DYM: variants seen among roughly 807,000 people sequenced by gnomAD.
DYM encodes dyggve-Melchior-Clausen syndrome protein.
In DYM, 78 loss-of-function variants were observed where a neutral mutation model predicts 93.1. The ratio of observed to expected loss-of-function variants is 0.84; its 90% CI spans 0.70 to 1.01. The LOEUF (loss-of-function observed/expected upper bound fraction) is 1.01, where lower values mean the gene tolerates loss of function less well. DYM is among the 50% of genes least tolerant of loss of function. DYM has a pLI of 0.00. For synonymous variants in DYM, 321 were observed against 319.7 expected (o/e 1.00, Z -0.04); for missense variants, 789 against 845.0 (o/e 0.93, Z 0.82).
chr18:49,141,801 G>A (rs942351712), intron 15 of DYM, among the ~76,000 whole-genome samples: 2 of 152,008 alleles, frequency 1.3e-5, no homozygotes, highest in Non-Finnish European at 2.9e-5. Flanking sequence ...CCTATTCATC[G>A]CTATGGACTC....
chr18:49,392,164 G>C (rs2069333637), intron 2 of DYM, among the ~76,000 whole-genome samples: 2 of 152,042 alleles, frequency 1.3e-5, no homozygotes, highest in Admixed American at 6.6e-5. Context: ...AAGATACAAA[G>C]ATACAAACAT....
chr18:49,189,680 T>C (rs1437033834), intron 14 of DYM, among the ~76,000 whole-genome samples: 1 of 152,208 alleles, frequency 6.6e-6, no homozygotes, highest in Non-Finnish European at 1.5e-5. Context: ...ATGGATCATC[T>C]TTCTGTAGAA....
chr18:49,431,459 T>A (rs1210630484), intron 1 of DYM, among the ~76,000 whole-genome samples: 1 of 152,202 alleles, frequency 6.6e-6, no homozygotes, highest in African/African-American at 2.4e-5. Context: ...AAAGTCAGTA[T>A]TGGTTGTTCT....
chr18:49,172,818 GTT>G (rs1462746229), intron 14 of DYM, among the ~76,000 whole-genome samples: 2 of 151,946 alleles, frequency 1.3e-5, no homozygotes, highest in South Asian at 2.1e-4. Context: ...TTAAAAAATT[GTT>G]TGTTTTTTAT....
intron 14 of DYM, among the ~76,000 whole-genome samples, chr18:49,177,696 C>A (rs1247656821): frequency 6.6e-6 from 1 of 151,998 alleles, no homozygotes; most frequent in Non-Finnish European, 1.5e-5. Flanking sequence ...TATACTTGTC[C>A]TACACATTTT....
chr18:49,456,820 GA>G lies in DYM; in HGVS notation c.-54+3577del, dbSNP rs1005877200. Among the ~76,000 whole-genome samples, 9 of 150,972 alleles carry G rather than the reference GA, an allele frequency of 6.0e-5. No individual in the cohort carries two copies. The South Asian group carries it at 1.0e-3, about 18-fold the overall frequency. On this transcript the variant is annotated intron_variant, in intron 1 of 17. Transcript: ENST00000675505. Reference sequence around the variant, plus strand: ...TAAAGCTCTGCTAAAAACCTTACTAGAAAAAAAAATGCTTAAAGGCAAGAGC... The same window carrying G: ...TAAAGCTCTGCTAAAAACCTTACTAGAAAAAAAATGCTTAAAGGCAAGAGC...
intron 2 of DYM, among the ~76,000 whole-genome samples, chr18:49,419,531 C>T (rs1366082184): frequency 6.6e-6 from 1 of 152,186 alleles, no homozygotes; most frequent in African/African-American, 2.4e-5. Context: ...TTTTTCCCCA[C>T]TGAAATGCCA....
Position 49,272,192 on chromosome 18 carries a change from A to G in DYM, c.1237T>C (p.Ser413Pro). ...TGGTAACTTACCACTTCATGAATGG[A>G]TCTGTTGAAGCCATCATCTTCCGTA... ...ILTEDDGFNR[S>P]IHEVILKNIT... is the part of the protein sequence containing the mutation. The change falls in exon 11 of 18, where the codon TCC becomes CCC. Residue 413 changes from serine to proline, a missense_variant. By Grantham distance (74) the Ser-to-Pro change is moderately conservative. Coordinates refer to ENST00000675505, the MANE Select transcript of DYM (RefSeq NM_001353214.3). 6.2e-7 allele frequency: 1 copy of G among 1,612,252 alleles called. No homozygotes were observed. Among genetic ancestry groups the G allele is most frequent in the Non-Finnish European group, 8.5e-7 (1 of 1,178,666 alleles).
chr18:49,199,925 G>A (rs935866973), intron 14 of DYM, among the ~76,000 whole-genome samples: 1 of 151,012 alleles, frequency 6.6e-6, no homozygotes, highest in African/African-American at 2.4e-5. Flanking sequence ...CTACAGTTGA[G>A]ATATAAAAAT....
At chr18:49,048,394 A>G (rs1285808496) in intron 17 of DYM, 1 of 152,186 alleles carries the variant, frequency 6.6e-6, no homozygotes, top group African/African-American at 2.4e-5. Flanking sequence ...GAATAATAAC[A>G]TCTTACATTT....
intron 2 of DYM, among the ~76,000 whole-genome samples, chr18:49,408,287 C>T (rs1286153223): frequency 6.6e-6 from 1 of 152,138 alleles, no homozygotes; most frequent in Non-Finnish European, 1.5e-5. Flanking sequence ...TTCCAGTGTG[C>T]AGATGCACCA....
At chr18:49,183,815 A>G (rs2090163224) in intron 14 of DYM, among the ~76,000 whole-genome samples, 1 of 152,154 alleles carries the variant, frequency 6.6e-6, no homozygotes. Context: ...GAATAAGGAA[A>G]TAATTAAGGT....
At chr18:49,156,069 T>C (rs1667663943) in intron 15 of DYM, among the ~76,000 whole-genome samples, 2 of 152,186 alleles carry the variant, frequency 1.3e-5, no homozygotes, top group Non-Finnish European at 2.9e-5. Context: ...TTATCTGCCT[T>C]TTTATTCTGG....
rs548299147 is a variant in DYM at position 49,217,958 on chromosome 18, G to A, written c.1461-8243C>T. 8.5e-5 allele frequency among the ~76,000 whole-genome samples: 13 copies of A among 152,218 alleles called. No homozygotes were observed. The South Asian group carries it at 2.7e-3, about 32-fold the overall frequency. ...TGCTCCAATTAAAAGACACAGACTG[G>A]CAAATTGGATAAACGGTCAAGACCC... On this transcript the variant is annotated intron_variant, in intron 13 of 17. Transcript: ENST00000675505.
At chr18:49,283,789 G>A (rs1009835442) in intron 9 of DYM, among the ~76,000 whole-genome samples, 4 of 152,188 alleles carry the variant, frequency 2.6e-5, no homozygotes, top group Admixed American at 1.3e-4. Context: ...AAAAAGAGAT[G>A]TGTTCCAACA....
intron 14 of DYM, among the ~76,000 whole-genome samples, chr18:49,184,072 C>T (rs1247937145): frequency 6.6e-6 from 1 of 152,098 alleles, no homozygotes; most frequent in African/African-American, 2.4e-5. Context: ...GTTGTTTAAG[C>T]CACTCAGTCT....
In DYM at chr18:49,332,072, A is replaced by G. The variant is rs2063346480; in HGVS notation, c.621-66T>C. 27 of 1,469,104 alleles carry G rather than the reference A, an allele frequency of 1.8e-5. No homozygotes were observed. In the South Asian group the frequency reaches 2.9e-4, roughly 16 times the overall value. The allele number at this position is 1,469,104 out of a possible 1,614,324, so 91.0% of individuals were successfully genotyped here. On this transcript the variant is annotated intron_variant, in intron 7 of 17. Transcript: ENST00000675505. Reference sequence around the variant, plus strand: ...GAGTCATCTAATTCTGAATAACAATACAGAAATAATTCTGCCATTAACACT... The same window carrying G: ...GAGTCATCTAATTCTGAATAACAATGCAGAAATAATTCTGCCATTAACACT...
At chr18:49,217,354 C>T (rs1478838058) in intron 13 of DYM, among the ~76,000 whole-genome samples, 1 of 152,142 alleles carries the variant, frequency 6.6e-6, no homozygotes, top group Non-Finnish European at 1.5e-5. Flanking sequence ...AGGAGAACTT[C>T]CCCAATCTAG....
intron 2 of DYM, among the ~76,000 whole-genome samples, chr18:49,423,396 T>C (rs1376355674): frequency 6.6e-6 from 1 of 150,404 alleles, no homozygotes; most frequent in African/African-American, 2.4e-5. Flanking sequence ...TTTAAAGCAG[T>C]GTGTAGAGGG....
Sources: gnomAD v4.1 joint callset for allele counts (sites outside exome capture counted in the v4.1 genomes callset) on GRCh38, gnomAD v4.1.1 for gene constraint, MANE v1.5 for transcripts, NCBI Gene and HGNC (gene_info 2026-07-23, HGNC 2026-07-21) for gene names.